PPP6R3: variants seen among roughly 807,000 people sequenced by gnomAD.
PPP6R3 encodes the protein protein phosphatase 6 regulatory subunit 3, also known as serine/threonine-protein phosphatase 6 regulatory subunit 3.
In PPP6R3, 38 loss-of-function variants were observed where a neutral mutation model predicts 110.7. The ratio of observed to expected loss-of-function variants is 0.34; its 90% CI spans 0.26 to 0.45. The LOEUF (loss-of-function observed/expected upper bound fraction) is 0.45. PPP6R3 is among the 20% of genes least tolerant of loss of function. The pLI is 1.00. For synonymous variants in PPP6R3, 369 were observed against 373.5 expected (o/e 0.99, Z 0.14); for missense variants, 870 against 1,062.4 (o/e 0.82, Z 2.52).
At chr11:68,461,611 G>A (rs1280058520) in intron 1 of PPP6R3, among the ~76,000 whole-genome samples, 1 of 152,046 alleles carries the variant, frequency 6.6e-6, no homozygotes, top group Non-Finnish European at 1.5e-5. Context: ...TCACAATTTA[G>A]ACTTTTTAAT....
intron 1 of PPP6R3, among the ~76,000 whole-genome samples, chr11:68,506,004 T>C (rs746086071): frequency 7.2e-5 from 11 of 152,190 alleles, no homozygotes; most frequent in Non-Finnish European, 1.2e-4. Context: ...TTTTTTTCTT[T>C]ATTTTTGGAC....
intron 1 of PPP6R3, among the ~76,000 whole-genome samples, chr11:68,466,679 C>A (rs1055812137): frequency 1.3e-5 from 2 of 152,030 alleles, no homozygotes; most frequent in Non-Finnish European, 2.9e-5. Context: ...GTGGCGCTAT[C>A]TCGGCTCACT....
At chr11:68,596,284 AAGGAGCAGTTCAC>A in intron 19 of PPP6R3, 66 bp downstream of exon 19, 1 of 1,597,862 alleles carries the variant, frequency 6.3e-7, no homozygotes, top group Non-Finnish European at 8.6e-7. Flanking sequence ...ACAATTGGCA[AAGGAGCAGTTCAC>A]AGCATCTGAG....
At chr11:68,533,038 T>C (rs2099249670) in intron 2 of PPP6R3, among the ~76,000 whole-genome samples, 1 of 152,196 alleles carries the variant, frequency 6.6e-6, no homozygotes, top group African/African-American at 2.4e-5. Context: ...TAAAAACAAG[T>C]TGTTGAAGTT....
At chr11:68,554,331 G>GT (rs749728894) in intron 7 of PPP6R3, 74 bp downstream of exon 7, 23 of 1,188,646 alleles carry the variant, frequency 1.9e-5, no homozygotes, top group East Asian at 2.6e-5. Context: ...TGAGTGATTG[G>GT]TAAGTGTTCC....
Position 68,600,483 on chromosome 11 carries a change from G to A in PPP6R3, c.2181G>A (p.Thr727=), listed in dbSNP as rs200096370. The A allele has an allele frequency of 6.9e-5, 111 of 1,613,854 alleles. No homozygotes were observed. In the South Asian group the frequency reaches 8.5e-4, roughly 12 times the overall value. The part of the protein sequence containing the change: ...ETGWASFSEF[T]SSLSTKDSLR... ...GCTGGGCTTCTTTTTCAGAGTTCACGTCTTCCCTGAGGTGAGCGAACATGT... is the reference window on the plus strand; with the variant it reads ...GCTGGGCTTCTTTTTCAGAGTTCACATCTTCCCTGAGGTGAGCGAACATGT... The change falls in exon 20 of 24, where the codon ACG becomes ACA. Residue 727 remains threonine, a synonymous_variant. Transcript: ENST00000393800.
At chr11:68,529,756 A>G (rs1309965965) in intron 2 of PPP6R3, among the ~76,000 whole-genome samples, 5 of 152,224 alleles carry the variant, frequency 3.3e-5, no homozygotes, top group Admixed American at 1.3e-4. Flanking sequence ...AAGAATATAC[A>G]TGATATCTCC....
rs370939332 is a variant in PPP6R3, at chr11:68,613,119, G to C, written c.*2G>C. The C allele has an allele frequency of 6.2e-7, 1 of 1,613,852 alleles. No homozygotes were observed. On this transcript the variant is annotated 3_prime_UTR_variant, in exon 24 of 24. Coordinates refer to ENST00000393800, the MANE Select transcript of PPP6R3 (RefSeq NM_001164161.2). The stretch of plus-strand genomic sequence containing the variant: ...ACTTCAGTGAATGGCCCTGTATGAC[G>C]GGTGACGTCTGCTGCTGCTGACTGA...
chr11:68,477,741 A>AAATATATATATATATATATATATATATAT, intron 1 of PPP6R3, among the ~76,000 whole-genome samples: 2 of 57,892 alleles, frequency 3.5e-5, no homozygotes, highest in Admixed American at 2.0e-4. Context: ...AAAAAAAAAA[A>AAATATATATATATATATATATATATATAT]ATATATATAT....
intron 1 of PPP6R3, among the ~76,000 whole-genome samples, chr11:68,504,242 AAGTC>A (rs200849647): frequency 0.027 from 4,094 of 152,210 alleles, 72 homozygotes; most frequent in Middle Eastern, 0.054. Flanking sequence ...ACTATGCTCT[AAGTC>A]AGGTTCTTTG....
chr11:68,557,500 T>C (rs1259105418), intron 7 of PPP6R3, among the ~76,000 whole-genome samples: 1 of 148,874 alleles, frequency 6.7e-6, no homozygotes. Flanking sequence ...CCATTTCTTT[T>C]TCTTTTCTTT....
chr11:68,491,806 T>C (rs934961385), intron 1 of PPP6R3, among the ~76,000 whole-genome samples: 3 of 152,084 alleles, frequency 2.0e-5, no homozygotes, highest in South Asian at 2.1e-4. Flanking sequence ...CTGGGCCACA[T>C]TGGAAGAAGA....
chr11:68,580,007 T>G (rs991968402), intron 14 of PPP6R3, among the ~76,000 whole-genome samples: 2 of 152,212 alleles, frequency 1.3e-5, no homozygotes, highest in Non-Finnish European at 2.9e-5. Context: ...TGGTAAGTGC[T>G]AAGGAGCCAA....
intron 1 of PPP6R3, among the ~76,000 whole-genome samples, chr11:68,513,596 C>T (rs752349443): frequency 3.9e-5 from 6 of 152,192 alleles, no homozygotes; most frequent in African/African-American, 7.2e-5. Context: ...AGATCATAGA[C>T]GTAGTGAAGA....
chr11:68,510,767 T>C (rs926797929), intron 1 of PPP6R3, among the ~76,000 whole-genome samples: 11 of 152,190 alleles, frequency 7.2e-5, no homozygotes, highest in Non-Finnish European at 1.2e-4. Flanking sequence ...TTCCTGGAGA[T>C]AGTGTAATAC....
intron 5 of PPP6R3, among the ~76,000 whole-genome samples, chr11:68,550,625 G>C (rs981288637): frequency 2.0e-5 from 3 of 152,162 alleles, no homozygotes; most frequent in Non-Finnish European, 4.4e-5. Context: ...CAGCCCCCAC[G>C]TTTCCTGCAG....
intron 1 of PPP6R3, among the ~76,000 whole-genome samples, chr11:68,476,091 C>T (rs2153319688): frequency 6.6e-6 from 1 of 152,316 alleles, no homozygotes; most frequent in Admixed American, 6.5e-5. Context: ...AATCTCGGCA[C>T]TTTGGGAGGC....
chr11:68,606,168 A>T (rs2153959005), intron 22 of PPP6R3, among the ~76,000 whole-genome samples: 1 of 152,338 alleles, frequency 6.6e-6, no homozygotes, highest in East Asian at 1.9e-4. Flanking sequence ...TAATCTCCAT[A>T]TATGGTGTTA....
intron 2 of PPP6R3, chr11:68,535,454 G>A (rs183376724): frequency 3.9e-5 from 6 of 152,300 alleles, no homozygotes; most frequent in Non-Finnish European, 8.8e-5. Context: ...GACTCCTCTT[G>A]TAAGATGTTG....
Sources: allele counts gnomAD v4.1 joint callset (sites outside exome capture counted in the v4.1 genomes callset), GRCh38; gene constraint gnomAD v4.1.1; transcripts MANE v1.5; gene names NCBI Gene and HGNC (gene_info 2026-07-23, HGNC 2026-07-21).